CPNE7: variants seen among roughly 807,000 people sequenced by gnomAD.
CPNE7 encodes copine-7.
A neutral mutation model predicts 66.5 loss-of-function variants in CPNE7; 78 were observed. The observed-to-expected ratio is 1.17, with a 90% CI of 0.98 to 1.42. The LOEUF is 1.42. CPNE7 is among the 40% of genes most tolerant of loss of function. The pLI is 0.00. For synonymous variants in CPNE7, 468 were observed against 336.7 expected, an observed-to-expected ratio of 1.39 and a Z score of -4.27; for missense variants, 1,012 against 776.6, an observed-to-expected ratio of 1.30 and a Z score of -3.60.
At chr16:89,589,185 A>G (rs1167220341) in intron 10 of CPNE7, among the ~76,000 whole-genome samples, 6 of 152,188 alleles carry the variant, frequency 3.9e-5, no homozygotes, top group Non-Finnish European at 2.9e-5. Context: ...CCAGCTACTC[A>G]GGAGGCTGAG....
Position 89,590,008 on chromosome 16 carries a change from G to T in CPNE7, c.1116+57G>T, listed in dbSNP as rs377649339. On this transcript the variant is annotated intron_variant, in intron 11 of 14. Coordinates refer to ENST00000319518, the MANE Select transcript of CPNE7 (RefSeq NM_153636.3). ...CTGTGCCCTTCTCGTGCCCTCCCAGGCAGAGGACGGCCTGGCCCAGGGAGC... is the reference window on the plus strand; with the variant it reads ...CTGTGCCCTTCTCGTGCCCTCCCAGTCAGAGGACGGCCTGGCCCAGGGAGC... 4.8e-5 allele frequency: 76 copies of T among 1,593,198 alleles called. No individual in the cohort carries two copies. In the African/African-American group the frequency reaches 9.8e-4, roughly 21 times the overall value.
At chr16:89,579,828 A>AT (rs555260028) in intron 2 of CPNE7, among the ~76,000 whole-genome samples, 446 of 39,848 alleles carry the variant, frequency 0.011, 82 homozygotes, top group South Asian at 0.022. Flanking sequence ...GGAACATCCC[A>AT]CACCCATCAC....
intron 2 of CPNE7, among the ~76,000 whole-genome samples, chr16:89,579,595 A>ACAT (rs2058916143): frequency 6.7e-6 from 1 of 150,086 alleles, no homozygotes; most frequent in Non-Finnish European, 1.5e-5. Context: ...GTCACACAGA[A>ACAT]CATCCCTTCA....
chr16:89,590,328 C>T (rs2059148427), intron 11 of CPNE7, among the ~76,000 whole-genome samples: 1 of 152,136 alleles, frequency 6.6e-6, no homozygotes, highest in African/African-American at 2.4e-5. Context: ...AGTTCCAGAC[C>T]AGCCTGGCCA....
chr16:89,595,472 G>T lies in CPNE7; in HGVS notation c.1408G>T (p.Val470Leu). The T allele has an allele frequency of 2.5e-6, 4 of 1,612,470 alleles. No individual in the cohort carries two copies. The highest frequency in any genetic ancestry group is 2.5e-6 in the Non-Finnish European group (3 of 1,179,770). Residue 470 changes from valine (V) to leucine (L), a missense_variant, in exon 14 of 15, where the codon GTG (valine) becomes TTG (leucine). Physicochemically the swap from Val to Leu is conservative, Grantham distance 32. Transcript: ENST00000319518. Reference protein sequence around the residue: ...ASRLPMSIIIVGVGNADFTDM... With the variant: ...ASRLPMSIIILGVGNADFTDM... The stretch of plus-strand genomic sequence containing the variant: ...ACGCCTGCCCATGTCCATCATCATC[G>T]TGGGCGTGGGCAACGCCGACTTCAC...
rs1045364470 is a variant in CPNE7, at chr16:89,577,966, C to G, written c.357+245C>G. Among the ~76,000 whole-genome samples the G allele has an allele frequency of 2.0e-5, 3 of 152,204 alleles. No homozygotes were observed. The East Asian group carries it at 5.8e-4, about 29-fold the overall frequency. The stretch of plus-strand genomic sequence containing the variant: ...GGCTGTGGAGCGCCTCCATCCTGCC[C>G]CATCCAGCTGCTGCCAGGTCCCTGG... On this transcript the variant is annotated intron_variant, in intron 2 of 14. Transcript: ENST00000319518.
intron 2 of CPNE7, among the ~76,000 whole-genome samples, chr16:89,581,914 G>A (rs2058964341): frequency 6.6e-6 from 1 of 152,170 alleles, no homozygotes; most frequent in South Asian, 2.1e-4. Context: ...CAAAATGTTG[G>A]GATTATAGGC....
chr16:89,588,750 C>T lies in CPNE7; in HGVS notation c.1003C>T (p.Pro335Ser). 1 of 1,613,768 alleles carries T rather than the reference C, an allele frequency of 6.2e-7. No homozygotes were observed. Among genetic ancestry groups the T allele is most frequent in the Non-Finnish European group, 8.5e-7 (1 of 1,179,986 alleles). The change falls in exon 10 of 15, where the codon CCG becomes TCG. Residue 335 changes from proline (P) to serine (S), a missense_variant. Physicochemically the swap from Pro to Ser is moderately conservative, Grantham distance 74 (BLOSUM62 -1). Transcript: ENST00000319518. ...CSLHYINPYQ[P>S]NEYLKALVSV... Reference sequence around the variant, plus strand: ...CCTGCACTACATCAACCCCTACCAGCCGAACGAGTACCTGAAGGCACTGGT... The same window carrying T: ...CCTGCACTACATCAACCCCTACCAGTCGAACGAGTACCTGAAGGCACTGGT...
At chr16:89,590,262 C>T (rs936982963) in intron 11 of CPNE7, among the ~76,000 whole-genome samples, 4 of 152,152 alleles carry the variant, frequency 2.6e-5, no homozygotes, top group Admixed American at 1.3e-4. Flanking sequence ...TGGTGGCTCA[C>T]GCCTGTAATC....
chr16:89,596,616 C>T lies in CPNE7; in HGVS notation c.1672C>T (p.Pro558Ser), dbSNP rs2059261234. The T allele has an allele frequency of 6.2e-7, 1 of 1,600,288 alleles. No individual in the cohort carries two copies. Among genetic ancestry groups the T allele is most frequent in the Non-Finnish European group, 8.5e-7 (1 of 1,177,276 alleles). Residue 558 changes from proline to serine, a missense_variant, in exon 15 of 15, where the codon CCG becomes TCG. Physicochemically the swap from Pro to Ser is moderately conservative, Grantham distance 74. Coordinates refer to ENST00000319518, the MANE Select transcript of CPNE7 (RefSeq NM_153636.3). Reference protein sequence around the residue: ...PAGEASPGCTP With the variant: ...PAGEASPGCTS ...CGGAGAGGCCAGCCCAGGCTGCACA[C>T]CGTGAAGATGTGGAGGGCGTAGGGT...
intron 2 of CPNE7, among the ~76,000 whole-genome samples, chr16:89,580,179 A>G (rs184936430): frequency 5.6e-5 from 2 of 35,464 alleles, no homozygotes; most frequent in Non-Finnish European, 1.5e-4. Context: ...CCGCTGACAC[A>G]GAACATCTCA....
At chr16:89,582,596 C>T (rs143255116) in intron 2 of CPNE7, among the ~76,000 whole-genome samples, 2 of 152,300 alleles carry the variant, frequency 1.3e-5, no homozygotes, top group East Asian at 1.9e-4. Context: ...CACCCAGGAC[C>T]CCTTTGCACC....
chr16:89,581,103 A>T (rs1019150851), intron 2 of CPNE7, among the ~76,000 whole-genome samples: 3 of 145,142 alleles, frequency 2.1e-5, no homozygotes, highest in African/African-American at 7.8e-5. Flanking sequence ...CACCCGTCAC[A>T]TGGAACATCT....
rs1306239330 is a variant in CPNE7 at position 89,588,196 on chromosome 16, CGTGTCACCCG to C, written c.928-478_928-469del. Among the ~76,000 whole-genome samples the C allele has an allele frequency of 4.1e-3, 54 of 13,188 alleles. 10 individuals carry two copies. The highest frequency in any genetic ancestry group is 9.3e-3 in the Non-Finnish European group (32 of 3,456). 8.7% of individuals were successfully genotyped at this position (13,188 alleles called of 152,430 possible). On this transcript the variant is annotated intron_variant, in intron 9 of 14. Coordinates refer to ENST00000319518, the MANE Select transcript of CPNE7 (RefSeq NM_153636.3). ...GTGTCACCCACAGATACACGGCCCC[CGTGTCACCCG>C]CGTGTCACCCACAGATACACGGCCC...
chr16:89,590,291 G>T (rs895540924), intron 11 of CPNE7, among the ~76,000 whole-genome samples: 1 of 152,172 alleles, frequency 6.6e-6, no homozygotes, highest in East Asian at 1.9e-4. Flanking sequence ...TTGGGAGGCC[G>T]AGGCGGGCCG....
At chr16:89,579,953 T>C (rs369118707) in intron 2 of CPNE7, among the ~76,000 whole-genome samples, 343 of 19,366 alleles carry the variant, frequency 0.018, no homozygotes, top group Admixed American at 0.021. Context: ...ACCCGTCACA[T>C]GGAACATCCC....
At chr16:89,592,710 G>T (rs866642452) in intron 13 of CPNE7, among the ~76,000 whole-genome samples, 2 of 151,088 alleles carry the variant, frequency 1.3e-5, no homozygotes, top group Non-Finnish European at 2.9e-5. Flanking sequence ...CCAAAGTGCT[G>T]GGATTACAGG....
chr16:89,593,358 A>AT (rs201847141), intron 13 of CPNE7, among the ~76,000 whole-genome samples: 19,787 of 144,126 alleles, frequency 0.14, 1,668 homozygotes, highest in East Asian at 0.46. Flanking sequence ...ACCTCTTAAT[A>AT]TTTTTTTTTT....
intron 13 of CPNE7, among the ~76,000 whole-genome samples, chr16:89,592,369 G>C (rs796413494): frequency 6.6e-6 from 1 of 151,446 alleles, no homozygotes; most frequent in Non-Finnish European, 1.5e-5. Flanking sequence ...CCTGCAACCC[G>C]TGAGGCCAAC....
Sources: gnomAD v4.1 joint callset for allele counts (sites outside exome capture counted in the v4.1 genomes callset) on GRCh38, gnomAD v4.1.1 for gene constraint, MANE v1.5 for transcripts, NCBI Gene and HGNC (gene_info 2026-07-23, HGNC 2026-07-21) for gene names.